Variants in AFF2 observed in about 807,000 individuals in gnomAD.
AFF2 encodes the protein ALF transcription elongation factor 2, also known as AF4/FMR2 family member 2.
A neutral mutation model predicts 76.9 loss-of-function variants in AFF2; 14 were observed. The ratio of observed to expected loss-of-function variants is 0.18; its 90% CI spans 0.12 to 0.28. AFF2 has a LOEUF of 0.28. Ranked by LOEUF, AFF2 falls within the 10% of genes least tolerant of loss-of-function variation. The pLI is 1.00. For synonymous variants in AFF2, 398 were observed against 366.7 expected, an observed-to-expected ratio of 1.09 and a Z score of -0.98; for missense variants, 868 against 1,001.1, an observed-to-expected ratio of 0.87 and a Z score of 1.79.
intron 3 of AFF2, among the ~76,000 whole-genome samples, chrX:148,746,940 T>C (rs782381594): frequency 8.9e-6 from 1 of 112,594 alleles, no homozygotes; most frequent in African/African-American, 3.2e-5. Flanking sequence ...TCAGCATGTG[T>C]AGTCATTGAC....
At chrX:148,616,408 G>C (rs2053801529) in intron 1 of AFF2, among the ~76,000 whole-genome samples, 1 of 111,475 alleles carries the variant, frequency 9.0e-6, no homozygotes, top group African/African-American at 3.3e-5. Context: ...CTTCTACCTT[G>C]TATGAAAATT....
intron 1 of AFF2, among the ~76,000 whole-genome samples, chrX:148,591,707 T>A (rs960931155): frequency 6.3e-4 from 71 of 112,209 alleles, no homozygotes; most frequent in Non-Finnish European, 1.1e-4. Flanking sequence ...TTTTGTGTAA[T>A]CTTGCTTTCC....
At chrX:148,695,996 G>C (rs1557261231) in intron 3 of AFF2, among the ~76,000 whole-genome samples, 1 of 112,054 alleles carries the variant, frequency 8.9e-6, no homozygotes, top group Non-Finnish European at 1.9e-5. Context: ...ATGAGATTTA[G>C]AAAAGCACTC....
chrX:148,575,043 G>C (rs2053272484), intron 1 of AFF2, among the ~76,000 whole-genome samples: 1 of 109,267 alleles, frequency 9.2e-6, no homozygotes, highest in Non-Finnish European at 1.9e-5. Flanking sequence ...CTAAGTAAAT[G>C]AGAGTCACAT....
chrX:148,836,209 C>T (rs2070523085), intron 4 of AFF2, among the ~76,000 whole-genome samples: 1 of 112,172 alleles, frequency 8.9e-6, no homozygotes, highest in Non-Finnish European at 1.9e-5. Context: ...TAAGCATCTC[C>T]TCTAAATTGT....
At chrX:148,600,391 G>A (rs1267960354) in intron 1 of AFF2, among the ~76,000 whole-genome samples, 3 of 111,661 alleles carry the variant, frequency 2.7e-5, no homozygotes, top group African/African-American at 9.8e-5. Flanking sequence ...CTAATCTGAT[G>A]TTATTATTAG....
At chrX:148,606,853 A>C (rs1166453242) in intron 1 of AFF2, among the ~76,000 whole-genome samples, 1 of 111,467 alleles carries the variant, frequency 9.0e-6, no homozygotes, top group Non-Finnish European at 1.9e-5. Flanking sequence ...GGTTGAGACA[A>C]TGACACATAA....
intron 1 of AFF2, among the ~76,000 whole-genome samples, chrX:148,622,128 T>G (rs781914517): frequency 1.1e-4 from 12 of 112,205 alleles, no homozygotes; most frequent in African/African-American, 3.9e-4. Context: ...ATAAAGTAGA[T>G]GCAAACAGCA....
chrX:148,506,764 A>G (rs1319438025), intron 1 of AFF2, among the ~76,000 whole-genome samples: 1 of 111,575 alleles, frequency 9.0e-6, no homozygotes, highest in African/African-American at 3.3e-5. Flanking sequence ...AAAGCTTTCT[A>G]ATCTTACCAT....
chrX:148,812,658 C>T (rs1436603476), intron 4 of AFF2, among the ~76,000 whole-genome samples: 3 of 111,404 alleles, frequency 2.7e-5, no homozygotes, highest in Non-Finnish European at 5.7e-5. Context: ...GGCAAGCAAA[C>T]ACATACAAAC....
At chrX:148,733,251 G>A (rs781947976) in intron 3 of AFF2, among the ~76,000 whole-genome samples, 1 of 111,356 alleles carries the variant, frequency 9.0e-6, no homozygotes, top group South Asian at 3.7e-4. Context: ...AAGGATGGGT[G>A]AAATTGTCAT....
intron 3 of AFF2, among the ~76,000 whole-genome samples, chrX:148,703,441 G>A (rs1395412589): frequency 1.8e-5 from 2 of 111,930 alleles, no homozygotes; most frequent in Non-Finnish European, 3.8e-5. Context: ...CACGTTTCAG[G>A]TGTGTGCATA....
intron 1 of AFF2, among the ~76,000 whole-genome samples, chrX:148,593,491 GT>G (rs199995491): frequency 3.6e-3 from 400 of 111,884 alleles, no homozygotes; most frequent in Non-Finnish European, 4.9e-3. Context: ...GTATAGGAAT[GT>G]TTTCAAAGCT....
At chrX:148,646,540 C>T (rs192272893) in intron 1 of AFF2, among the ~76,000 whole-genome samples, 1 of 112,044 alleles carries the variant, frequency 8.9e-6, no homozygotes, top group African/African-American at 3.2e-5. Context: ...CTGCCAGGAC[C>T]TCTGGACTAT....
chrX:148,537,342 G>A (rs781826567), intron 1 of AFF2, among the ~76,000 whole-genome samples: 1 of 111,466 alleles, frequency 9.0e-6, no homozygotes, highest in African/African-American at 3.3e-5. Context: ...GCTTAGGAGA[G>A]AGGTACATAT....
chrX:148,822,783 A>G (rs781976878), intron 4 of AFF2, among the ~76,000 whole-genome samples: 1 of 109,188 alleles, frequency 9.2e-6, no homozygotes, highest in African/African-American at 3.4e-5. Context: ...TCCATTCCCC[A>G]AAGCCTTTCA....
At chrX:148,861,944 T>A (rs1282080128) in intron 7 of AFF2, among the ~76,000 whole-genome samples, 1 of 111,161 alleles carries the variant, frequency 9.0e-6, no homozygotes, top group Admixed American at 9.6e-5. Context: ...AGATTTCTTT[T>A]GTGAGGAGCC....
At chrX:148,733,455 G>A (rs1557264849) in intron 3 of AFF2, among the ~76,000 whole-genome samples, 1 of 110,620 alleles carries the variant, frequency 9.0e-6, no homozygotes, top group African/African-American at 3.3e-5. Flanking sequence ...ATATTGGAAT[G>A]AACCCTTTTT....
At chrX:148,978,907 T>C (rs1179708997) in intron 18 of AFF2, among the ~76,000 whole-genome samples, 1 of 111,817 alleles carries the variant, frequency 8.9e-6, no homozygotes, top group Non-Finnish European at 1.9e-5. Flanking sequence ...AGTCTTGGAG[T>C]GCAGTAGTTG....
Sources: allele counts gnomAD v4.1 joint callset (sites outside exome capture counted in the v4.1 genomes callset), GRCh38; gene constraint gnomAD v4.1.1; transcripts MANE v1.5; gene names NCBI Gene and HGNC (gene_info 2026-07-23, HGNC 2026-07-21).